The following CCDC93 variants were observed in gnomAD, a reference collection of about 807,000 sequenced individuals.
CCDC93 encodes CCC complex scaffolding subunit CCDC93.
Under a neutral mutation model 108.2 loss-of-function variants are expected in CCDC93, and 61 were observed. The observed-to-expected ratio is 0.56, with a 90% CI of 0.46 to 0.70. The LOEUF (loss-of-function observed/expected upper bound fraction) is 0.70. CCDC93 is among the 30% of genes least tolerant of loss of function. CCDC93 has a pLI of 0.00. For missense variants in CCDC93, 685 were observed against 764.2 expected (o/e 0.90, Z 1.22); for synonymous variants, 276 against 260.4 (o/e 1.06, Z -0.58).
Position 117,945,783 on chromosome 2 carries a change from TGTCTGTCA to T in CCDC93, c.1297-209_1297-202del, listed in dbSNP as rs546211548. On this transcript the variant is annotated intron_variant, in intron 16 of 23. Coordinates refer to ENST00000376300, the MANE Select transcript of CCDC93 (RefSeq NM_019044.5). ...CAGCAGATTTTAAATTGTTCTTAGG[TGTCTGTCA>T]GTTACACACTAACACAGTAAACCGT... Among the ~76,000 whole-genome samples, 8 of 152,272 alleles carry T rather than the reference TGTCTGTCA, an allele frequency of 5.3e-5. No homozygotes were observed. In the East Asian group the frequency reaches 1.5e-3, roughly 29 times the overall value.
intron 3 of CCDC93, among the ~76,000 whole-genome samples, chr2:118,004,359 G>C (rs1217236780): frequency 2.6e-5 from 4 of 152,220 alleles, no homozygotes; most frequent in Admixed American, 6.5e-5. Context: ...GAAGAAGATA[G>C]AAGTAGAGGA....
At chr2:117,988,455 T>G (rs1419963257) in intron 6 of CCDC93, among the ~76,000 whole-genome samples, 2 of 152,196 alleles carry the variant, frequency 1.3e-5, no homozygotes, top group East Asian at 1.9e-4. Context: ...CCACCGCCAA[T>G]CTGGCATTCT....
chr2:117,969,767 T>C lies in CCDC93; in HGVS notation c.888+4141A>G, dbSNP rs559086656. Among the ~76,000 whole-genome samples, 9 of 152,272 alleles carry C rather than the reference T, an allele frequency of 5.9e-5. No homozygotes were observed. In the East Asian group the frequency reaches 1.7e-3, roughly 29 times the overall value. On this transcript the variant is annotated intron_variant, in intron 11 of 23. Transcript: ENST00000376300. ...ATCACAAAAATGACCAAATATCCCCTATACTAGCTATTACGCATACATAGC... is the reference window on the plus strand; with the variant it reads ...ATCACAAAAATGACCAAATATCCCCCATACTAGCTATTACGCATACATAGC...
At chr2:117,936,596 G>T in intron 21 of CCDC93, 106 bp downstream of exon 21, 1 of 887,532 alleles carries the variant, frequency 1.1e-6, no homozygotes, top group Non-Finnish European at 1.9e-6. Flanking sequence ...CCAGTGTTAA[G>T]TCTTGCATGT....
At chr2:117,954,567 C>T (rs1284231481) in intron 12 of CCDC93, among the ~76,000 whole-genome samples, 1 of 152,178 alleles carries the variant, frequency 6.6e-6, no homozygotes, top group Non-Finnish European at 1.5e-5. Flanking sequence ...TCATTAACCC[C>T]TACACTTACT....
intron 21 of CCDC93, chr2:117,935,828 A>G: frequency 2.8e-6 from 1 of 351,768 alleles, no homozygotes; most frequent in Non-Finnish European, 5.1e-6. Flanking sequence ...TTTCCCTGTA[A>G]CTTTCATAAC....
intron 8 of CCDC93, among the ~76,000 whole-genome samples, chr2:117,976,157 G>A (rs565915829): frequency 2.0e-5 from 3 of 152,202 alleles, no homozygotes; most frequent in African/African-American, 7.2e-5. Context: ...GGAACACTCC[G>A]AGCTCCTAAC....
At chr2:117,947,729 T>TGTCAC (rs1462083121) in intron 15 of CCDC93, among the ~76,000 whole-genome samples, 1 of 145,578 alleles carries the variant, frequency 6.9e-6, no homozygotes, top group Non-Finnish European at 1.5e-5. Context: ...AGTCTCGCTC[T>TGTCAC]GTCACCCAGG....
At chr2:117,932,108 T>C (rs975312831) in intron 22 of CCDC93, among the ~76,000 whole-genome samples, 2 of 152,122 alleles carry the variant, frequency 1.3e-5, no homozygotes, top group Admixed American at 6.5e-5. Context: ...AGAGAGGCTC[T>C]CTGAGGACAC....
intron 6 of CCDC93, among the ~76,000 whole-genome samples, chr2:117,991,437 G>A (rs1197259679): frequency 6.6e-6 from 1 of 152,186 alleles, no homozygotes; most frequent in Non-Finnish European, 1.5e-5. Flanking sequence ...CAGAGAGCAG[G>A]TGAAAAGCCA....
chr2:117,983,844 G>A lies in CCDC93; in HGVS notation c.620+2125C>T, dbSNP rs533677506. ...ACATTTTATCTGATTTGCTCTGTCA[G>A]TTTTAATAACCATTCTCTTCTTATT... On this transcript the variant is annotated intron_variant, in intron 7 of 23. Coordinates refer to ENST00000376300, the MANE Select transcript of CCDC93 (RefSeq NM_019044.5). Among the ~76,000 whole-genome samples the A allele has an allele frequency of 1.4e-4, 22 of 152,208 alleles. No individual in the cohort carries two copies. In the East Asian group the frequency reaches 4.2e-3, roughly 29 times the overall value.
In CCDC93 at chr2:117,931,056, G is replaced by A; in HGVS notation, c.1823C>T (p.Thr608Ile). The change falls in exon 23 of 24, where the codon ACT (threonine) becomes ATT (isoleucine). Residue 608 changes from threonine (T) to isoleucine (I), a missense_variant. Thr to Ile is a moderately conservative substitution (Grantham distance 89). Transcript: ENST00000376300. ...LLEKQRLYFK[T>I]VKEFKEEGRK... is the part of the protein sequence containing the mutation. ...TCTTACCTCCTTGAACTCTTTCACA[G>A]TCTTAAAGTATAGCCTCTGCTTTTC... 1 of 1,611,462 alleles carries A rather than the reference G, an allele frequency of 6.2e-7. No homozygotes were observed. The highest frequency in any genetic ancestry group is 8.5e-7 in the Non-Finnish European group (1 of 1,177,638).
rs774815772 is a variant in CCDC93, at chr2:117,920,215, A to C, written c.*128T>G. On this transcript the variant is annotated 3_prime_UTR_variant, in exon 24 of 24. Coordinates refer to ENST00000376300, the MANE Select transcript of CCDC93 (RefSeq NM_019044.5). ...TGGAAGCAAAGAGGAGAAAGAAAAC[A>C]TCCAGGTTGTTGAAATCATCACAAC... 1 of 585,590 alleles carries C rather than the reference A, an allele frequency of 1.7e-6. No individual in the cohort carries two copies. Among genetic ancestry groups the C allele is most frequent in the Admixed American group, 2.9e-5 (1 of 33,928 alleles). 36.3% of individuals were successfully genotyped at this position (585,590 alleles called of 1,614,324 possible).
intron 6 of CCDC93, among the ~76,000 whole-genome samples, chr2:117,989,692 A>G (rs1680419196): frequency 6.6e-6 from 1 of 152,210 alleles, no homozygotes; most frequent in Non-Finnish European, 1.5e-5. Flanking sequence ...GTGGTTTTCC[A>G]TCTGCATATT....
At chr2:118,001,938 C>A (rs1180879408) in intron 3 of CCDC93, among the ~76,000 whole-genome samples, 1 of 152,120 alleles carries the variant, frequency 6.6e-6, no homozygotes, top group Admixed American at 6.5e-5. Flanking sequence ...GTGTGCCTGA[C>A]CCCAAAGCCA....
chr2:117,927,891 G>A (rs1678177382), intron 23 of CCDC93, among the ~76,000 whole-genome samples: 1 of 152,136 alleles, frequency 6.6e-6, no homozygotes, highest in Admixed American at 6.5e-5. Flanking sequence ...AAAACAGCAT[G>A]GTACTGGTAC....
intron 7 of CCDC93, among the ~76,000 whole-genome samples, chr2:117,983,630 TTATATATATATATA>T (rs66879401): frequency 0.01 from 998 of 98,466 alleles, 21 homozygotes; most frequent in African/African-American, 0.031. Context: ...CTGCTCAAAA[TTATATATATATATA>T]TATATATATA....
chr2:118,000,954 CA>C (rs1478736189), intron 3 of CCDC93, 22 bp from the exon 4 acceptor site: 7 of 1,465,374 alleles, frequency 4.8e-6, no homozygotes, highest in Non-Finnish European at 6.7e-6. Context: ...AAGTAACAAG[CA>C]AAGAGTGAGG....
chr2:117,920,083 G>T lies in CCDC93; in HGVS notation c.*260C>A, dbSNP rs1677808911. 5.7e-6 allele frequency: 2 copies of T among 350,504 alleles called. No individual in the cohort carries two copies. The highest frequency in any genetic ancestry group is 1.9e-4 in the South Asian group (2 of 10,694). 21.7% of individuals were successfully genotyped at this position (350,504 alleles called of 1,614,324 possible). On this transcript the variant is annotated 3_prime_UTR_variant, in exon 24 of 24. Transcript: ENST00000376300. ...CAATGTTACTGGAGACATAAAAGTT[G>T]AATCAACAGAGAACAAGTACTCCCT...
Sources: allele counts gnomAD v4.1 joint callset (sites outside exome capture counted in the v4.1 genomes callset), GRCh38; gene constraint gnomAD v4.1.1; transcripts MANE v1.5; gene names NCBI Gene and HGNC (gene_info 2026-07-23, HGNC 2026-07-21).